SRPK2: variants seen among roughly 807,000 people sequenced by gnomAD.
SRPK2 encodes SFRS protein kinase 2.
A neutral mutation model predicts 90.8 loss-of-function variants in SRPK2; 21 were observed. The ratio of observed to expected loss-of-function variants is 0.23; its 90% CI spans 0.16 to 0.33. The LOEUF is 0.33. SRPK2 is among the 10% of genes least tolerant of loss of function. The pLI is 1.00. For synonymous variants in SRPK2, 288 were observed against 311.1 expected (o/e 0.93, Z 0.78); for missense variants, 620 against 869.0 (o/e 0.71, Z 3.60).
At chr7:105,325,359 G>A (rs1288683951) in intron 2 of SRPK2, among the ~76,000 whole-genome samples, 1 of 151,950 alleles carries the variant, frequency 6.6e-6, no homozygotes. Flanking sequence ...TGGTATGTAT[G>A]GCTAAGGAAC....
chr7:105,163,483 T>G (rs889453783), intron 6 of SRPK2, among the ~76,000 whole-genome samples: 1 of 152,062 alleles, frequency 6.6e-6, no homozygotes, highest in African/African-American at 2.4e-5. Flanking sequence ...GCAGACCATT[T>G]GCATCAATTT....
chr7:105,176,537 A>T (rs892928518), intron 3 of SRPK2, among the ~76,000 whole-genome samples: 5 of 151,370 alleles, frequency 3.3e-5, no homozygotes, highest in African/African-American at 1.2e-4. Flanking sequence ...AGCCACAGAG[A>T]TGTATGTGGT....
At chr7:105,361,734 C>T (rs956882832) in intron 2 of SRPK2, among the ~76,000 whole-genome samples, 5 of 152,110 alleles carry the variant, frequency 3.3e-5, no homozygotes, top group Non-Finnish European at 7.4e-5. Context: ...AAAGCATTCC[C>T]CATTTAATAA....
chr7:105,253,405 A>G (rs1802762499), intron 2 of SRPK2, among the ~76,000 whole-genome samples: 1 of 152,220 alleles, frequency 6.6e-6, no homozygotes, highest in African/African-American at 2.4e-5. Flanking sequence ...ATTATCTACA[A>G]ACATCCTTGC....
intron 2 of SRPK2, among the ~76,000 whole-genome samples, chr7:105,275,518 C>A (rs1806373128): frequency 6.6e-6 from 1 of 152,146 alleles, no homozygotes; most frequent in South Asian, 2.1e-4. Flanking sequence ...AAAAGATACT[C>A]AAACTCCTTA....
intron 2 of SRPK2, among the ~76,000 whole-genome samples, chr7:105,252,405 C>T (rs755187241): frequency 2.2e-4 from 33 of 152,120 alleles, no homozygotes; most frequent in Admixed American, 2.2e-3. Context: ...AAACAATCTT[C>T]ATTTCTAAAT....
chr7:105,364,038 G>A (rs961024714), intron 2 of SRPK2, among the ~76,000 whole-genome samples: 1 of 151,520 alleles, frequency 6.6e-6, no homozygotes. Flanking sequence ...CTGTCGTGGG[G>A]TGGGGGGCTG....
chr7:105,320,550 T>C (rs1179222966), intron 2 of SRPK2, among the ~76,000 whole-genome samples: 3 of 152,246 alleles, frequency 2.0e-5, no homozygotes, highest in East Asian at 1.9e-4. Context: ...ACTAAATACA[T>C]CTTGTAAGGC....
At chr7:105,153,159 A>G (rs1339414948) in intron 7 of SRPK2, among the ~76,000 whole-genome samples, 1 of 152,170 alleles carries the variant, frequency 6.6e-6, no homozygotes, top group East Asian at 1.9e-4. Context: ...CAATCATCCC[A>G]CTCAGGGAGC....
intron 15 of SRPK2, among the ~76,000 whole-genome samples, chr7:105,122,279 G>T (rs561366756): frequency 1.3e-5 from 2 of 152,176 alleles, no homozygotes; most frequent in Non-Finnish European, 2.9e-5. Context: ...ATTGTAAAAT[G>T]TATATAAATT....
At chr7:105,143,493 A>G in intron 9 of SRPK2, 163 bp from the exon 10 acceptor site, 1 of 886,410 alleles carries the variant, frequency 1.1e-6, no homozygotes, top group South Asian at 1.8e-5. Flanking sequence ...GGCTTACGAT[A>G]AAATCAAAGG....
intron 2 of SRPK2, among the ~76,000 whole-genome samples, chr7:105,289,089 T>C (rs1170048098): frequency 2.5e-5 from 3 of 119,596 alleles, no homozygotes; most frequent in Non-Finnish European, 5.0e-5. Flanking sequence ...ACCCCATCTC[T>C]ACTTAAAGCA....
chr7:105,159,466 A>AAAAC (rs1554428674), intron 7 of SRPK2, among the ~76,000 whole-genome samples: 6 of 114,228 alleles, frequency 5.3e-5, no homozygotes, highest in Admixed American at 2.1e-4. Context: ...AAAAAAAAAA[A>AAAAC]AAAAAAACCG....
At chr7:105,335,655 A>G (rs1208391209) in intron 2 of SRPK2, among the ~76,000 whole-genome samples, 2 of 150,220 alleles carry the variant, frequency 1.3e-5, no homozygotes, top group Non-Finnish European at 3.0e-5. Context: ...ATCTTTTAAA[A>G]AAAAAAAAAA....
intron 2 of SRPK2, chr7:105,204,870 G>A: frequency 6.9e-6 from 3 of 434,866 alleles, no homozygotes; most frequent in East Asian, 6.4e-5. Flanking sequence ...TAGTTGTTGA[G>A]AGCAGGTGGA....
chr7:105,382,719 G>A (rs1821090443), intron 2 of SRPK2, among the ~76,000 whole-genome samples: 1 of 152,134 alleles, frequency 6.6e-6, no homozygotes, highest in Admixed American at 6.6e-5. Flanking sequence ...TTAAGTGATA[G>A]AGAACAGATC....
intron 1 of SRPK2, among the ~76,000 whole-genome samples, chr7:105,395,384 G>A (rs913992331): frequency 3.3e-5 from 5 of 151,638 alleles, no homozygotes; most frequent in African/African-American, 9.7e-5. Flanking sequence ...TCAACAATCT[G>A]TTGGGAGTAT....
intron 7 of SRPK2, among the ~76,000 whole-genome samples, chr7:105,147,511 G>A (rs1403602856): frequency 6.6e-6 from 1 of 152,014 alleles, no homozygotes; most frequent in African/African-American, 2.4e-5. Flanking sequence ...AGTAGAGACG[G>A]GGTTTTACCA....
chr7:105,211,544 A>T (rs183851362), intron 2 of SRPK2, among the ~76,000 whole-genome samples: 7 of 152,208 alleles, frequency 4.6e-5, no homozygotes, highest in Admixed American at 3.9e-4. Flanking sequence ...ACAGTGTGGG[A>T]GCAGTAACAG....
Sources: gnomAD v4.1 joint callset for allele counts (sites outside exome capture counted in the v4.1 genomes callset) on GRCh38, gnomAD v4.1.1 for gene constraint, MANE v1.5 for transcripts, NCBI Gene and HGNC (gene_info 2026-07-23, HGNC 2026-07-21) for gene names.